Variants in CRYBG1 observed in about 807,000 individuals in gnomAD.
CRYBG1 encodes beta/gamma crystallin domain-containing protein 1.
A neutral mutation model predicts 189.2 loss-of-function variants in CRYBG1; 139 were observed. The observed-to-expected ratio is 0.73, with a 90% CI of 0.64 to 0.85. The LOEUF (loss-of-function observed/expected upper bound fraction) is 0.85, where lower values mean the gene tolerates loss of function less well. Among genes scored for constraint, CRYBG1 ranks in the 40% least tolerant of loss-of-function variants. The probability of loss-of-function intolerance (pLI) is 0.00; values close to 1 mark genes in which losing one functional copy is unlikely to be tolerated. For synonymous variants in CRYBG1, 1,023 were observed against 1,017.1 expected (o/e 1.01, Z -0.11); for missense variants, 2,611 against 2,675.8 (o/e 0.98, Z 0.53).
chr6:106,488,809 A>G (rs1234092122), intron 2 of CRYBG1, among the ~76,000 whole-genome samples: 3 of 152,052 alleles, frequency 2.0e-5, no homozygotes, highest in African/African-American at 4.8e-5. Context: ...GGGTACTGGT[A>G]TTGTAGGCAC....
In CRYBG1 at chr6:106,361,972, T is replaced by TCTTTCTTTCTTTCTTTCTTTCTTTC. The variant is rs71006681; in HGVS notation, c.173+891_173+892insCTTTCTTTCTTTCTTTCTTTCTTTC. Among the ~76,000 whole-genome samples the TCTTTCTTTCTTTCTTTCTTTCTTTC allele has an allele frequency of 4.0e-3, 489 of 120,746 alleles. 7 individuals carry two copies. Among genetic ancestry groups the TCTTTCTTTCTTTCTTTCTTTCTTTC allele is most frequent in the African/African-American group, 0.018 (462 of 26,272 alleles). 79.2% of individuals were successfully genotyped at this position (120,746 alleles called of 152,430 possible). On this transcript the variant is annotated intron_variant, in intron 1 of 21. Transcript: ENST00000633556. ...TTTTCCTTTTATTTCTTTCTTTCTT[T>TCTTTCTTTCTTTCTTTCTTTCTTTC]TTTTTTTTTTTTTTCTGAGACGGAG...
At chr6:106,485,390 C>A (rs1439490991) in intron 2 of CRYBG1, among the ~76,000 whole-genome samples, 1 of 152,134 alleles carries the variant, frequency 6.6e-6, no homozygotes, top group East Asian at 1.9e-4. Context: ...TTAGTTCTAA[C>A]AGGTTTTTTT....
intron 1 of CRYBG1, among the ~76,000 whole-genome samples, chr6:106,362,306 T>C (rs564851989): frequency 8.1e-4 from 124 of 152,262 alleles, no homozygotes; most frequent in African/African-American, 2.9e-3. Context: ...TTTTACGATC[T>C]ATTTTCATTC....
chr6:106,470,271 G>C (rs1157352590), intron 2 of CRYBG1, among the ~76,000 whole-genome samples: 1 of 152,136 alleles, frequency 6.6e-6, no homozygotes, highest in Non-Finnish European at 1.5e-5. Flanking sequence ...GGTGCAATGA[G>C]CTGTGTTCAC....
intron 1 of CRYBG1, among the ~76,000 whole-genome samples, chr6:106,408,058 C>T (rs1333380698): frequency 6.6e-6 from 1 of 152,034 alleles, no homozygotes; most frequent in Non-Finnish European, 1.5e-5. Context: ...ACAGGAAAAA[C>T]CCTTCAGAAA....
At chr6:106,451,562 G>C (rs1771782201) in intron 1 of CRYBG1, 132 bp from the exon 2 acceptor site, 2 of 922,478 alleles carry the variant, frequency 2.2e-6, no homozygotes, top group South Asian at 4.4e-5. Context: ...CGCCGTGTAG[G>C]TTTTGAAGAA....
chr6:106,415,397 C>A (rs1771002969), intron 1 of CRYBG1, among the ~76,000 whole-genome samples: 1 of 152,134 alleles, frequency 6.6e-6, no homozygotes, highest in Non-Finnish European at 1.5e-5. Flanking sequence ...AGAGGAATTG[C>A]AGGAAATGGA....
chr6:106,520,943 C>A lies in CRYBG1; in HGVS notation c.3735C>A (p.Ser1245Arg). The A allele has an allele frequency of 6.2e-7, 1 of 1,614,204 alleles. No homozygotes were observed. The highest frequency in any genetic ancestry group is 8.5e-7 in the Non-Finnish European group (1 of 1,180,028). The stretch of plus-strand genomic sequence containing the variant: ...TAGAAAAAAGTGCACTTTTCTCAAG[C>A]TTGTTATCTTCTTTACCACAAGACA... Reference protein sequence around the residue: ...SRLEKSALFSSLLSSLPQDKI... With the variant: ...SRLEKSALFSRLLSSLPQDKI... Residue 1245 changes from serine (S) to arginine (R), a missense_variant, in exon 4 of 22, where the codon AGC becomes AGA. Coordinates refer to ENST00000633556, the MANE Select transcript of CRYBG1 (RefSeq NM_001371242.2).
intron 1 of CRYBG1, among the ~76,000 whole-genome samples, chr6:106,398,773 T>G (rs1239754325): frequency 1.3e-5 from 2 of 152,226 alleles, no homozygotes; most frequent in African/African-American, 2.4e-5. Context: ...TTTTCATATC[T>G]TCTTAGTCCC....
chr6:106,372,913 G>A (rs1405009265), intron 1 of CRYBG1, among the ~76,000 whole-genome samples: 1 of 152,146 alleles, frequency 6.6e-6, no homozygotes, highest in African/African-American at 2.4e-5. Context: ...AAATGACAGA[G>A]CAGTATTTGA....
intron 2 of CRYBG1, among the ~76,000 whole-genome samples, chr6:106,499,661 A>G (rs1441936266): frequency 6.6e-6 from 1 of 152,142 alleles, no homozygotes; most frequent in Non-Finnish European, 1.5e-5. Context: ...CACCTCAGAT[A>G]CTTATTTTTT....
At chr6:106,514,098 C>A (rs754705145) in intron 3 of CRYBG1, among the ~76,000 whole-genome samples, 2 of 152,166 alleles carry the variant, frequency 1.3e-5, no homozygotes, top group South Asian at 4.1e-4. Flanking sequence ...GAAGTGCTAG[C>A]GAGCAAGAAA....
At chr6:106,566,210 A>G (rs538882420) in intron 21 of CRYBG1, among the ~76,000 whole-genome samples, 152 of 149,956 alleles carry the variant, frequency 1.0e-3, no homozygotes, top group Admixed American at 1.9e-3. Flanking sequence ...CAGACAGTTT[A>G]CGTTCTAGAT....
chr6:106,430,717 T>C (rs941432102), intron 1 of CRYBG1, among the ~76,000 whole-genome samples: 8 of 151,946 alleles, frequency 5.3e-5, no homozygotes, highest in Non-Finnish European at 1.0e-4. Flanking sequence ...CTTCCCATAT[T>C]ATCTCGTGGC....
At chr6:106,369,402 T>TCAAGCTAGCAACCC (rs1479785463) in intron 1 of CRYBG1, among the ~76,000 whole-genome samples, 108 of 152,338 alleles carry the variant, frequency 7.1e-4, no homozygotes, top group African/African-American at 2.5e-3. Flanking sequence ...TTGTGCCATT[T>TCAAGCTAGCAACCC]CAAGCTAGCA....
chr6:106,482,286 C>T (rs1435956083), intron 2 of CRYBG1, among the ~76,000 whole-genome samples: 1 of 152,206 alleles, frequency 6.6e-6, no homozygotes, highest in East Asian at 1.9e-4. Context: ...TAGGTCAGGC[C>T]TACTCAGGAT....
intron 1 of CRYBG1, among the ~76,000 whole-genome samples, chr6:106,441,492 G>A (rs576216998): frequency 5.3e-5 from 8 of 152,278 alleles, no homozygotes; most frequent in African/African-American, 1.7e-4. Flanking sequence ...CAGCAAAACT[G>A]TATCCCTGAC....
At chr6:106,391,503 C>T (rs746719212) in intron 1 of CRYBG1, among the ~76,000 whole-genome samples, 1 of 151,900 alleles carries the variant, frequency 6.6e-6, no homozygotes, top group Non-Finnish European at 1.5e-5. Context: ...AATCTATTGG[C>T]CATTTGATAT....
intron 18 of CRYBG1, among the ~76,000 whole-genome samples, chr6:106,559,033 T>A (rs1256876035): frequency 6.6e-6 from 1 of 152,160 alleles, no homozygotes; most frequent in Non-Finnish European, 1.5e-5. Flanking sequence ...ACATATACCC[T>A]CTCTTTTTGT....
Sources: gnomAD v4.1 joint callset for allele counts (sites outside exome capture counted in the v4.1 genomes callset) on GRCh38, gnomAD v4.1.1 for gene constraint, MANE v1.5 for transcripts, NCBI Gene and HGNC (gene_info 2026-07-23, HGNC 2026-07-21) for gene names.